TMTC2: variants seen among roughly 807,000 people sequenced by gnomAD.
The protein encoded by TMTC2 is transmembrane O-mannosyltransferase targeting cadherins 2, also known as protein O-mannosyl-transferase TMTC2.
In TMTC2, 43 loss-of-function variants were observed where a neutral mutation model predicts 82.4. That is an observed-to-expected ratio of 0.52 (90% CI 0.41 to 0.67). The LOEUF (loss-of-function observed/expected upper bound fraction) is 0.67, where lower values mean the gene tolerates loss of function less well. Ranked by LOEUF, TMTC2 falls within the 30% of genes least tolerant of loss-of-function variation. TMTC2 has a pLI of 0.00. For synonymous variants in TMTC2, 408 were observed against 381.9 expected, an observed-to-expected ratio of 1.07 and a Z score of -0.80; for missense variants, 919 against 1,012.4, an observed-to-expected ratio of 0.91 and a Z score of 1.25.
At chr12:82,933,960 C>G (rs1485901152) in intron 4 of TMTC2, among the ~76,000 whole-genome samples, 1 of 152,074 alleles carries the variant, frequency 6.6e-6, no homozygotes, top group Non-Finnish European at 1.5e-5. Flanking sequence ...GAGGTATATA[C>G]AAAGAGTTAT....
intron 11 of TMTC2, among the ~76,000 whole-genome samples, chr12:83,099,548 A>G (rs1011202148): frequency 1.3e-5 from 2 of 152,172 alleles, no homozygotes; most frequent in African/African-American, 4.8e-5. Context: ...ATTTTAGTGT[A>G]TAAGCCAGAT....
At chr12:82,886,521 CATT>C (rs1873108522) in intron 2 of TMTC2, among the ~76,000 whole-genome samples, 1 of 152,124 alleles carries the variant, frequency 6.6e-6, no homozygotes, top group Non-Finnish European at 1.5e-5. Context: ...CAAAAGAACT[CATT>C]ATAATCCGAA....
At chr12:83,000,585 G>A (rs1879875843) in intron 8 of TMTC2, among the ~76,000 whole-genome samples, 1 of 152,182 alleles carries the variant, frequency 6.6e-6, no homozygotes, top group Non-Finnish European at 1.5e-5. Context: ...CTGCTTTCAT[G>A]GGCTGGTGTT....
intron 2 of TMTC2, among the ~76,000 whole-genome samples, chr12:82,864,874 A>G (rs1015207708): frequency 9.9e-5 from 15 of 151,720 alleles, no homozygotes; most frequent in African/African-American, 3.4e-4. Flanking sequence ...ACTGAATAAT[A>G]TTTGGCATAT....
chr12:82,965,904 G>A (rs2137304674), intron 6 of TMTC2, 160 bp downstream of exon 6: 3 of 699,598 alleles, frequency 4.3e-6, no homozygotes, highest in African/African-American at 1.8e-5. Context: ...TGATGACATT[G>A]GAATGGTTTT....
chr12:82,985,857 A>ATGC, intron 7 of TMTC2, 68 bp from the exon 8 acceptor site: 1 of 1,551,984 alleles, frequency 6.4e-7, no homozygotes, highest in Non-Finnish European at 8.8e-7. Context: ...GATGATGATG[A>ATGC]TGCTGTTGCA....
chr12:83,093,249 A>G (rs1883902811), intron 11 of TMTC2, among the ~76,000 whole-genome samples: 1 of 152,222 alleles, frequency 6.6e-6, no homozygotes, highest in Admixed American at 6.5e-5. Flanking sequence ...GCACAGCAAT[A>G]TTTCTTGTCA....
chr12:82,960,762 C>G (rs898931422), intron 4 of TMTC2, among the ~76,000 whole-genome samples: 3 of 151,666 alleles, frequency 2.0e-5, no homozygotes, highest in Non-Finnish European at 4.4e-5. Context: ...TGTAAGAAAC[C>G]TGTACATGAA....
At chr12:82,769,093 A>T in intron 1 of TMTC2, among the ~76,000 whole-genome samples, 1 of 150,998 alleles carries the variant, frequency 6.6e-6, no homozygotes, top group East Asian at 1.9e-4. Context: ...CCAGCTCACA[A>T]ATCTAGTATG....
intron 4 of TMTC2, among the ~76,000 whole-genome samples, chr12:82,960,176 T>C (rs915744223): frequency 6.6e-6 from 1 of 152,046 alleles, no homozygotes; most frequent in Non-Finnish European, 1.5e-5. Flanking sequence ...CAATAGGTGC[T>C]GGTGAGACAA....
In TMTC2 at chr12:82,882,975, GA is replaced by G. The variant is rs1261917175; in HGVS notation, c.655-12841del. Reference sequence around the variant, plus strand: ...GGAGGCTGAAGCAGGAGAATTGCTTGAACCTGGGAGGCGGAGGTTGCAATGA... The same window carrying G: ...GGAGGCTGAAGCAGGAGAATTGCTTGACCTGGGAGGCGGAGGTTGCAATGA... On this transcript the variant is annotated intron_variant, in intron 2 of 11. Coordinates refer to ENST00000321196, the MANE Select transcript of TMTC2 (RefSeq NM_152588.3). Among the ~76,000 whole-genome samples, 5 of 143,582 alleles carry G rather than the reference GA, an allele frequency of 3.5e-5. No individual in the cohort carries two copies. The Admixed American group carries it at 3.8e-4, about 11-fold the overall frequency. 94.2% of individuals were successfully genotyped at this position (143,582 alleles called of 152,430 possible). A position where few individuals can be genotyped will look rare whatever the true frequency, so the allele number is the denominator to read the frequency against.
chr12:82,848,257 C>G (rs757018513), intron 1 of TMTC2, among the ~76,000 whole-genome samples: 1 of 152,130 alleles, frequency 6.6e-6, no homozygotes, highest in Non-Finnish European at 1.5e-5. Context: ...TTGCCATGCT[C>G]TCTCCTGTCC....
chr12:82,974,226 A>G (rs1197496655), intron 7 of TMTC2, among the ~76,000 whole-genome samples: 1 of 152,142 alleles, frequency 6.6e-6, no homozygotes, highest in Non-Finnish European at 1.5e-5. Context: ...CCGTGGACAC[A>G]CACAACTGTT....
chr12:82,857,470 AGC>A lies in TMTC2; in HGVS notation c.545_546del (p.Ser182AsnfsTer18). The A allele has an allele frequency of 6.2e-7, 1 of 1,614,242 alleles. No individual in the cohort carries two copies. The highest frequency in any genetic ancestry group is 1.1e-5 in the South Asian group (1 of 91,078). On this transcript the variant is annotated frameshift_variant, in exon 2 of 12. Transcript: ENST00000321196. LOFTEE classifies it high-confidence loss of function. The part of the protein sequence containing the change: ...FLGSGLCAGC[S>X]MLWKEQGVTV... ...GGGGTCAGGACTGTGCGCAGGATGCAGCATGTTGTGGAAGGAACAAGGAGTGA... is the reference window on the plus strand; with the variant it reads ...GGGGTCAGGACTGTGCGCAGGATGCAATGTTGTGGAAGGAACAAGGAGTGA...
intron 7 of TMTC2, among the ~76,000 whole-genome samples, chr12:82,976,594 C>T (rs1418259269): frequency 6.6e-6 from 1 of 151,812 alleles, no homozygotes; most frequent in Non-Finnish European, 1.5e-5. Flanking sequence ...GTACTGTAGC[C>T]GCTAAAGGAT....
intron 3 of TMTC2, among the ~76,000 whole-genome samples, chr12:82,913,520 A>G (rs1874820220): frequency 6.6e-6 from 1 of 152,244 alleles, no homozygotes; most frequent in South Asian, 2.1e-4. Context: ...ATAATCTGAC[A>G]AGATTATTTA....
chr12:82,909,772 T>G (rs1874534811), intron 3 of TMTC2, among the ~76,000 whole-genome samples: 2 of 152,212 alleles, frequency 1.3e-5, no homozygotes, highest in African/African-American at 4.8e-5. Context: ...ACATAGAGTT[T>G]CACTATACTG....
chr12:83,078,881 T>A (rs934183417), intron 11 of TMTC2, among the ~76,000 whole-genome samples: 9 of 152,224 alleles, frequency 5.9e-5, no homozygotes, highest in Admixed American at 3.9e-4. Context: ...ATGGTGACAT[T>A]AGAGACCTTG....
At chr12:82,822,588 A>G (rs1158698497) in intron 1 of TMTC2, among the ~76,000 whole-genome samples, 1 of 152,236 alleles carries the variant, frequency 6.6e-6, no homozygotes, top group Non-Finnish European at 1.5e-5. Flanking sequence ...TTGAATGCCT[A>G]TAACAAGGTA....
Sources: allele counts gnomAD v4.1 joint callset (sites outside exome capture counted in the v4.1 genomes callset), GRCh38; gene constraint gnomAD v4.1.1; transcripts MANE v1.5; gene names NCBI Gene and HGNC (gene_info 2026-07-23, HGNC 2026-07-21).